The following NBDY variants were observed in gnomAD, a reference collection of about 807,000 sequenced individuals.
NBDY encodes the protein negative regulator of P-body association.
Position 56,819,004 on chromosome X carries a change from C to CA in NBDY, c.*1857dup, listed in dbSNP as rs2069923639. On this transcript the variant is annotated 3_prime_UTR_variant, in exon 3 of 3. Transcript: ENST00000374922. ...TACATGCAAAAAAAAAACAAAAAAA[C>CA]AAAAAACTTCCACCCCTACCTCATG... is the stretch of plus-strand genomic sequence containing the variant. 1.1e-5 allele frequency: 1 copy of CA among 87,909 alleles called. No individual in the cohort carries two copies. Among genetic ancestry groups the CA allele is most frequent in the Non-Finnish European group, 2.3e-5 (1 of 43,057 alleles). The allele number at this position is 87,909 out of a possible 1,213,427, so 7.2% of individuals were successfully genotyped here. A position where few individuals can be genotyped will look rare whatever the true frequency, so the allele number is the denominator to read the frequency against.
chrX:56,737,416 G>A (rs1425981822), intron 2 of NBDY: 1 of 646,197 alleles, frequency 1.5e-6, no homozygotes, highest in Non-Finnish European at 2.6e-6. Flanking sequence ...CATTATAAAG[G>A]TTCTCAGGAA....
intron 2 of NBDY, among the ~76,000 whole-genome samples, chrX:56,764,776 G>A (rs186871348): frequency 4.6e-5 from 5 of 108,547 alleles, no homozygotes; most frequent in African/African-American, 1.3e-4. Flanking sequence ...CCATCTATGT[G>A]GTCACTTTGG....
At chrX:56,750,989 T>A (rs1569285532) in intron 2 of NBDY, among the ~76,000 whole-genome samples, 1 of 111,691 alleles carries the variant, frequency 9.0e-6, no homozygotes, top group Non-Finnish European at 1.9e-5. Flanking sequence ...TTTTGCTTCC[T>A]ATGAAAATCC....
chrX:56,751,591 T>C (rs1394830120), intron 2 of NBDY, among the ~76,000 whole-genome samples: 2 of 112,180 alleles, frequency 1.8e-5, no homozygotes, highest in Non-Finnish European at 3.8e-5. Flanking sequence ...CATATACTTA[T>C]ATACTAGTGT....
intron 2 of NBDY, among the ~76,000 whole-genome samples, chrX:56,781,361 G>T (rs925072912): frequency 5.4e-5 from 6 of 111,822 alleles, no homozygotes; most frequent in African/African-American, 2.0e-4. Flanking sequence ...TTTGCTGATG[G>T]AGTGTGCGGG....
At chrX:56,732,457 C>T (rs1363189557) in intron 2 of NBDY, among the ~76,000 whole-genome samples, 2 of 111,286 alleles carry the variant, frequency 1.8e-5, no homozygotes, top group Non-Finnish European at 3.8e-5. Flanking sequence ...CTAATTGTTT[C>T]TAGTAAATGG....
intron 2 of NBDY, among the ~76,000 whole-genome samples, chrX:56,787,842 C>T (rs1044045972): frequency 8.9e-6 from 1 of 112,487 alleles, no homozygotes; most frequent in Non-Finnish European, 1.9e-5. Context: ...TGGGTGGCCC[C>T]AGTGGCCCAT....
At chrX:56,767,742 A>G (rs770934977) in intron 2 of NBDY, among the ~76,000 whole-genome samples, 6 of 107,594 alleles carry the variant, frequency 5.6e-5, no homozygotes, top group African/African-American at 1.7e-4. Flanking sequence ...GAAAGGGCGG[A>G]GGCCCTCGGA....
intron 2 of NBDY, among the ~76,000 whole-genome samples, chrX:56,791,940 C>T (rs2069766582): frequency 9.2e-6 from 1 of 108,380 alleles, no homozygotes. Context: ...TTTCTTTCTC[C>T]TTCTTCTTCG....
intron 1 of NBDY, among the ~76,000 whole-genome samples, chrX:56,731,392 C>T (rs1194110732): frequency 1.2e-5 from 1 of 84,353 alleles, no homozygotes; most frequent in African/African-American, 3.9e-5. Context: ...AACCCCATCT[C>T]TACTAAAAGT....
chrX:56,764,569 C>T (rs1002736201), intron 2 of NBDY, among the ~76,000 whole-genome samples: 2 of 110,429 alleles, frequency 1.8e-5, no homozygotes, highest in Non-Finnish European at 3.8e-5. Context: ...GGCAGGTGTC[C>T]GTGCATCCTG....
chrX:56,738,565 G>A (rs749994171), intron 2 of NBDY, among the ~76,000 whole-genome samples: 4 of 111,841 alleles, frequency 3.6e-5, no homozygotes, highest in East Asian at 2.8e-4. Flanking sequence ...TAGGGTTCCC[G>A]CAACCTCTCT....
chrX:56,790,773 C>G (rs2069757951), intron 2 of NBDY, among the ~76,000 whole-genome samples: 2 of 112,437 alleles, frequency 1.8e-5, no homozygotes, highest in South Asian at 7.4e-4. Flanking sequence ...GCCCAGACAC[C>G]ATTCACTCCC....
At chrX:56,796,661 T>A (rs1384008592) in intron 2 of NBDY, among the ~76,000 whole-genome samples, 2 of 111,433 alleles carry the variant, frequency 1.8e-5, no homozygotes, top group Admixed American at 1.9e-4. Flanking sequence ...CCGTTTTTCA[T>A]CTTCCTCTCT....
intron 2 of NBDY, among the ~76,000 whole-genome samples, chrX:56,808,376 C>T (rs780569769): frequency 1.1e-4 from 12 of 111,801 alleles, no homozygotes; most frequent in Admixed American, 8.5e-4. Flanking sequence ...GTCTGTGAAT[C>T]CGTCTGGTCC....
chrX:56,790,111 C>T (rs1569290261), intron 2 of NBDY, among the ~76,000 whole-genome samples: 1 of 111,957 alleles, frequency 8.9e-6, no homozygotes, highest in East Asian at 2.8e-4. Context: ...TCCAGGAAGA[C>T]ATAAGAAAGC....
chrX:56,801,098 G>GGT (rs760568247), intron 2 of NBDY, among the ~76,000 whole-genome samples: 4 of 111,635 alleles, frequency 3.6e-5, no homozygotes, highest in Non-Finnish European at 7.5e-5. Flanking sequence ...CCTACTTGTA[G>GGT]ATCAAAGCCC....
intron 2 of NBDY, among the ~76,000 whole-genome samples, chrX:56,802,681 G>C (rs1230028015): frequency 8.8e-6 from 1 of 113,217 alleles, no homozygotes; most frequent in Non-Finnish European, 1.9e-5. Flanking sequence ...ACCTTGTCCT[G>C]GGGCGGCAGC....
At chrX:56,797,891 G>T (rs1310876391) in intron 2 of NBDY, among the ~76,000 whole-genome samples, 2 of 111,955 alleles carry the variant, frequency 1.8e-5, no homozygotes, top group East Asian at 5.6e-4. Context: ...GGAGATACAT[G>T]CAGATGCAGA....
Sources: allele counts gnomAD v4.1 joint callset (sites outside exome capture counted in the v4.1 genomes callset), GRCh38; gene constraint gnomAD v4.1.1; transcripts MANE v1.5; gene names NCBI Gene and HGNC (gene_info 2026-07-23, HGNC 2026-07-21).